The following OR1B1 variants were observed in gnomAD, a reference collection of about 807,000 sequenced individuals.
OR1B1 encodes the protein olfactory receptor family 1 subfamily B member 1, also known as olfactory receptor 1B1.
For synonymous variants in OR1B1, 168 were observed against 156.2 expected (o/e 1.08, Z -0.57); for missense variants, 414 against 402.1 (o/e 1.03, Z -0.25).
chr9:122,655,824 A>G, the OR1B1 span, among the ~76,000 whole-genome samples: 1 of 151,126 alleles, frequency 6.6e-6, no homozygotes, highest in African/African-American at 2.4e-5. Flanking sequence ...CTGCACATGT[A>G]CCCCAGAGCT....
At chr9:122,635,929 G>A in the OR1B1 span, among the ~76,000 whole-genome samples, 1 of 152,130 alleles carries the variant, frequency 6.6e-6, no homozygotes, top group Admixed American at 6.5e-5. Context: ...TAGAAAATCA[G>A]GAAATAATAT....
At chr9:122,648,361 G>A in the OR1B1 span, among the ~76,000 whole-genome samples, 10 of 152,156 alleles carry the variant, frequency 6.6e-5, no homozygotes, top group South Asian at 2.1e-4. Flanking sequence ...TTCAACACCC[G>A]TTCATGCTAA....
chr9:122,653,660 CT>C, the OR1B1 span, among the ~76,000 whole-genome samples: 1 of 152,178 alleles, frequency 6.6e-6, no homozygotes, highest in Non-Finnish European at 1.5e-5. Flanking sequence ...GCACTTCCCC[CT>C]GGCTGAAATT....
the OR1B1 span, among the ~76,000 whole-genome samples, chr9:122,649,332 A>G: frequency 6.6e-6 from 1 of 152,242 alleles, no homozygotes; most frequent in Non-Finnish European, 1.5e-5. Context: ...CATTCAGGAC[A>G]TAGGCATGGG....
the OR1B1 span, among the ~76,000 whole-genome samples, chr9:122,635,019 C>T: frequency 2.6e-5 from 4 of 152,190 alleles, no homozygotes; most frequent in African/African-American, 7.2e-5. Flanking sequence ...CCAGCAATCC[C>T]TCTCCTGGGT....
the OR1B1 span, among the ~76,000 whole-genome samples, chr9:122,644,123 G>A: frequency 6.6e-6 from 1 of 152,132 alleles, no homozygotes; most frequent in African/African-American, 2.4e-5. Context: ...GTACCAGTTC[G>A]GCCACAGTAG....
upstream of OR1B1, among the ~76,000 whole-genome samples, chr9:122,632,924 G>A (rs1262024938): frequency 6.6e-6 from 1 of 152,170 alleles, no homozygotes; most frequent in East Asian, 1.9e-4. Context: ...AGTTCCACAT[G>A]GCTGGGGAGA....
the OR1B1 span, among the ~76,000 whole-genome samples, chr9:122,641,610 G>A: frequency 7.9e-5 from 12 of 152,154 alleles, no homozygotes; most frequent in Non-Finnish European, 1.8e-4. Context: ...CCCAGGGAGT[G>A]GGGGTTGGGG....
the OR1B1 span, among the ~76,000 whole-genome samples, chr9:122,648,851 A>T: frequency 6.6e-6 from 1 of 152,222 alleles, no homozygotes; most frequent in African/African-American, 2.4e-5. Flanking sequence ...ATTCAATGCT[A>T]TCCCCATCGA....
rs759318175 is a variant in OR1B1, at chr9:122,628,741, G to T, written c.795C>A (p.Tyr265Ter). 1.2e-6 allele frequency: 2 copies of T among 1,614,126 alleles called. No homozygotes were observed. Among genetic ancestry groups the T allele is most frequent in the Non-Finnish European group, 1.7e-6 (2 of 1,179,994 alleles). The stretch of plus-strand genomic sequence containing the variant: ...GAGAGTTCTGGAAGGGAGGCTGGAA[G>T]TAGACACAAATGATGGTGCCGTAGA... The change falls in exon 1 of 1, where the codon TAC (tyrosine) becomes TAA (stop). Residue 265 changes from tyrosine (Y) to a stop codon, truncating the protein, a stop_gained. Coordinates refer to ENST00000623530, the Ensembl canonical transcript of OR1B1. LOFTEE classifies it low-confidence loss of function (END_TRUNC).
upstream of OR1B1, among the ~76,000 whole-genome samples, chr9:122,634,439 T>G (rs1224886339): frequency 6.6e-6 from 1 of 151,890 alleles, no homozygotes; most frequent in Non-Finnish European, 1.5e-5. Context: ...TGACTCACAG[T>G]TCCACACACA....
the OR1B1 span, among the ~76,000 whole-genome samples, chr9:122,653,345 G>A: frequency 6.6e-6 from 1 of 152,120 alleles, no homozygotes; most frequent in African/African-American, 2.4e-5. Context: ...TGTAATCCCA[G>A]CTCTAACACC....
At chr9:122,633,195 A>T (rs1285789215), upstream of OR1B1, among the ~76,000 whole-genome samples, 4 of 152,204 alleles carry the variant, frequency 2.6e-5, no homozygotes, top group African/African-American at 9.6e-5. Flanking sequence ...AGGAAACAAA[A>T]TAAGAAGACC....
the OR1B1 span, among the ~76,000 whole-genome samples, chr9:122,638,900 CTG>C: frequency 3.3e-5 from 5 of 152,162 alleles, no homozygotes; most frequent in African/African-American, 1.2e-4. Context: ...TTCAGCAAGA[CTG>C]AGAGATGGAA....
chr9:122,643,645 G>C, the OR1B1 span, among the ~76,000 whole-genome samples: 27,717 of 152,234 alleles, frequency 0.18, 3,390 homozygotes, highest in East Asian at 0.44. Context: ...CATGGCTAAG[G>C]GAAGGCTGGC....
At chr9:122,641,575 G>A in the OR1B1 span, among the ~76,000 whole-genome samples, 1 of 152,304 alleles carries the variant, frequency 6.6e-6, no homozygotes, top group East Asian at 1.9e-4. Context: ...AAGGACCCAT[G>A]GAAGCAGAGA....
At chr9:122,646,004 A>G in the OR1B1 span, among the ~76,000 whole-genome samples, 13 of 152,174 alleles carry the variant, frequency 8.5e-5, no homozygotes, top group Non-Finnish European at 2.9e-5. Context: ...AGGCAGTACA[A>G]TAAGACATAA....
At chr9:122,653,086 G>A in the OR1B1 span, among the ~76,000 whole-genome samples, 45,083 of 152,146 alleles carry the variant, frequency 0.3, 7,839 homozygotes, top group East Asian at 0.63. Flanking sequence ...ACAGTCATAA[G>A]TGTTTTAAAT....
the OR1B1 span, among the ~76,000 whole-genome samples, chr9:122,650,421 T>A: frequency 0.018 from 2,668 of 149,186 alleles, 37 homozygotes; most frequent in South Asian, 0.036. Context: ...ATTAAAAAAA[T>A]ATATATATAA....
Sources: gnomAD v4.1 joint callset for allele counts (sites outside exome capture counted in the v4.1 genomes callset) on GRCh38, gnomAD v4.1.1 for gene constraint, MANE v1.5 for transcripts, NCBI Gene and HGNC (gene_info 2026-07-23, HGNC 2026-07-21) for gene names.